NTM: variants seen among roughly 807,000 people sequenced by gnomAD.
NTM encodes the protein IgLON family member 2.
A neutral mutation model predicts 42.1 loss-of-function variants in NTM; 13 were observed. The observed-to-expected ratio is 0.31, with a 90% CI of 0.20 to 0.49. NTM has a LOEUF of 0.49. Among genes scored for constraint, NTM ranks in the 20% least tolerant of loss-of-function variants. NTM has a pLI of 0.99. For missense variants in NTM, 373 were observed against 452.8 expected, an observed-to-expected ratio of 0.82 and a Z score of 1.60; for synonymous variants, 187 against 179.2, an observed-to-expected ratio of 1.04 and a Z score of -0.35.
At chr11:131,893,093 G>A (rs948507890) in intron 1 of NTM, among the ~76,000 whole-genome samples, 5 of 152,208 alleles carry the variant, frequency 3.3e-5, no homozygotes, top group South Asian at 4.1e-4. Flanking sequence ...TATTCAGCCC[G>A]AATGTAGGAT....
chr11:131,985,594 A>G (rs1221825272), intron 2 of NTM, among the ~76,000 whole-genome samples: 2 of 152,146 alleles, frequency 1.3e-5, no homozygotes, highest in Non-Finnish European at 2.9e-5. Flanking sequence ...TGTGACTTCC[A>G]AGATCACCAC....
intron 1 of NTM, among the ~76,000 whole-genome samples, chr11:131,670,320 CCTTT>C (rs113552382): frequency 0.017 from 2,616 of 151,994 alleles, 52 homozygotes; most frequent in African/African-American, 0.042. Context: ...TCAAATCTTT[CCTTT>C]CTTTCTTTCT....
chr11:131,946,214 T>C lies in NTM; in HGVS notation c.167+34566T>C, dbSNP rs144014799. 6.7e-3 allele frequency among the ~76,000 whole-genome samples: 1,022 copies of C among 151,952 alleles called. 8 individuals are homozygous for C. The highest frequency in any genetic ancestry group is 0.024 in the African/African-American group (982 of 41,432). ...CGGGAGACTGGGAGATGGGGAGACG[T>C]GGGGGAATGGACTGCTGATGACTGC... On this transcript the variant is annotated intron_variant, in intron 2 of 8. Transcript: ENST00000683400.
At chr11:131,846,793 G>A (rs533192142) in intron 1 of NTM, among the ~76,000 whole-genome samples, 1 of 152,234 alleles carries the variant, frequency 6.6e-6, no homozygotes, top group South Asian at 2.1e-4. Flanking sequence ...GGCTGAGGAG[G>A]CAGGATTAGC....
intron 1 of NTM, among the ~76,000 whole-genome samples, chr11:131,498,244 G>C (rs140059061): frequency 6.6e-6 from 1 of 152,116 alleles, no homozygotes; most frequent in Non-Finnish European, 1.5e-5. Flanking sequence ...GCTCTACCAC[G>C]TACTGGTAAT....
At chr11:132,099,720 C>A (rs2061416554) in intron 2 of NTM, among the ~76,000 whole-genome samples, 1 of 152,090 alleles carries the variant, frequency 6.6e-6, no homozygotes, top group South Asian at 2.1e-4. Flanking sequence ...TTCTTGGGAC[C>A]CTGCTACTTT....
At chr11:131,573,104 A>G (rs182960807) in intron 1 of NTM, among the ~76,000 whole-genome samples, 3 of 152,304 alleles carry the variant, frequency 2.0e-5, no homozygotes, top group Admixed American at 6.5e-5. Flanking sequence ...AACAAGAAGC[A>G]GTAGCAGCCG....
chr11:131,916,985 GA>G (rs1718984499), intron 2 of NTM, among the ~76,000 whole-genome samples: 1 of 152,114 alleles, frequency 6.6e-6, no homozygotes, highest in Non-Finnish European at 1.5e-5. Context: ...TGCCTTTCCT[GA>G]TACCAAATCA....
At chr11:131,401,647 A>G (rs1165875149) in intron 1 of NTM, among the ~76,000 whole-genome samples, 3 of 151,024 alleles carry the variant, frequency 2.0e-5, no homozygotes, top group Non-Finnish European at 4.4e-5. Context: ...CTCTGAAGAT[A>G]CTAGGCATTT....
At chr11:131,970,594 C>A (rs916547832) in intron 2 of NTM, among the ~76,000 whole-genome samples, 2 of 152,234 alleles carry the variant, frequency 1.3e-5, no homozygotes, top group African/African-American at 4.8e-5. Flanking sequence ...AGCAACACTT[C>A]CGCCTCGCTG....
At chr11:131,859,331 CTG>C (rs1246901266) in intron 1 of NTM, among the ~76,000 whole-genome samples, 6 of 152,278 alleles carry the variant, frequency 3.9e-5, no homozygotes, top group South Asian at 2.1e-4. Flanking sequence ...TTTCTTAAAA[CTG>C]TATAGAGGAC....
intron 2 of NTM, among the ~76,000 whole-genome samples, chr11:132,011,029 A>G (rs776573595): frequency 2.8e-4 from 42 of 151,436 alleles, no homozygotes; most frequent in African/African-American, 2.4e-4. Flanking sequence ...ATCACAATGT[A>G]TGCTCTGTGG....
chr11:131,401,826 A>ATATATATATG (rs1945229607), intron 1 of NTM, among the ~76,000 whole-genome samples: 1 of 60,566 alleles, frequency 1.7e-5, no homozygotes, highest in African/African-American at 7.1e-5. Flanking sequence ...ATATATATAT[A>ATATATATATG]TATATATATA....
chr11:131,416,174 G>A (rs1050282254), intron 1 of NTM, among the ~76,000 whole-genome samples: 1 of 151,264 alleles, frequency 6.6e-6, no homozygotes, highest in South Asian at 2.1e-4. Context: ...TCATGAATTA[G>A]GAAGTTTCTT....
At chr11:132,205,390 G>A (rs1014244263) in intron 3 of NTM, among the ~76,000 whole-genome samples, 2 of 152,160 alleles carry the variant, frequency 1.3e-5, no homozygotes, top group Non-Finnish European at 2.9e-5. Flanking sequence ...CAACACCTGG[G>A]CAGTGGAAGC....
intron 4 of NTM, among the ~76,000 whole-genome samples, chr11:132,249,006 G>A (rs554539434): frequency 1.4e-4 from 21 of 152,288 alleles, no homozygotes; most frequent in Admixed American, 6.5e-4. Context: ...ATGGATGCTC[G>A]TTCAGCTGCT....
intron 2 of NTM, among the ~76,000 whole-genome samples, chr11:131,972,358 A>G (rs1381009281): frequency 6.6e-6 from 1 of 152,200 alleles, no homozygotes; most frequent in Non-Finnish European, 1.5e-5. Context: ...ATGTATATAT[A>G]TAAATTATAT....
chr11:131,806,754 A>G (rs973895576), intron 1 of NTM, among the ~76,000 whole-genome samples: 1 of 152,122 alleles, frequency 6.6e-6, no homozygotes, highest in Non-Finnish European at 1.5e-5. Context: ...ACACTCTCTG[A>G]TATTAGAAAA....
At chr11:131,747,238 C>T (rs1050591101) in intron 1 of NTM, among the ~76,000 whole-genome samples, 1 of 152,176 alleles carries the variant, frequency 6.6e-6, no homozygotes, top group Admixed American at 6.5e-5. Context: ...GTCCTATGAA[C>T]TTACAACTCA....
Sources: allele counts gnomAD v4.1 joint callset (sites outside exome capture counted in the v4.1 genomes callset), GRCh38; gene constraint gnomAD v4.1.1; transcripts MANE v1.5; gene names NCBI Gene and HGNC (gene_info 2026-07-23, HGNC 2026-07-21).